USP30: variants seen among roughly 807,000 people sequenced by gnomAD.
The protein encoded by USP30 is ubiquitin carboxyl-terminal hydrolase 30.
In USP30, 41 loss-of-function variants were observed where a neutral mutation model predicts 68.2. The observed-to-expected ratio is 0.60, with a 90% CI of 0.47 to 0.78. The LOEUF is 0.78. Ranked by LOEUF, USP30 falls within the 30% of genes least tolerant of loss-of-function variation. USP30 has a pLI of 0.00. For synonymous variants in USP30, 229 were observed against 253.7 expected (o/e 0.90, Z 0.93); for missense variants, 522 against 649.4 (o/e 0.80, Z 2.13).
intron 3 of USP30, among the ~76,000 whole-genome samples, chr12:109,034,699 C>T (rs2040506763): frequency 6.6e-6 from 1 of 152,098 alleles, no homozygotes; most frequent in Admixed American, 6.5e-5. Context: ...GTTGTTCTAT[C>T]CATTATTGAA....
At chr12:109,024,183 T>A (rs1381633046) in intron 1 of USP30, among the ~76,000 whole-genome samples, 1 of 152,166 alleles carries the variant, frequency 6.6e-6, no homozygotes, top group African/African-American at 2.4e-5. Flanking sequence ...GAATCAAAGA[T>A]AAAATGGAGG....
chr12:109,059,552 T>C (rs2040991522), intron 3 of USP30, among the ~76,000 whole-genome samples: 1 of 152,096 alleles, frequency 6.6e-6, no homozygotes, highest in Non-Finnish European at 1.5e-5. Context: ...CTTGTTCTGT[T>C]GCCCAGGCTG....
intron 3 of USP30, among the ~76,000 whole-genome samples, chr12:109,044,529 C>G (rs1040800791): frequency 6.7e-6 from 1 of 149,376 alleles, no homozygotes; most frequent in Non-Finnish European, 1.5e-5. Flanking sequence ...CCTAGCTACT[C>G]GCGAGGCTAG....
At chr12:109,047,909 G>A (rs938221671), upstream of USP30, among the ~76,000 whole-genome samples, 8 of 152,042 alleles carry the variant, frequency 5.3e-5, no homozygotes, top group African/African-American at 1.9e-4. Context: ...CAGTCTGCAG[G>A]CTCCCTAAGG....
chr12:109,051,794 T>C (rs938940327), upstream of USP30, among the ~76,000 whole-genome samples: 1 of 152,090 alleles, frequency 6.6e-6, no homozygotes, highest in Admixed American at 6.6e-5. Context: ...GGTCTCGAAC[T>C]CTTGACCTCA....
intron 6 of USP30, among the ~76,000 whole-genome samples, chr12:109,073,235 A>G (rs536300274): frequency 9.5e-4 from 144 of 152,360 alleles, no homozygotes; most frequent in African/African-American, 3.0e-3. Flanking sequence ...AACCGTATAT[A>G]AAGATAGATC....
chr12:109,071,584 C>T (rs1242683111), intron 4 of USP30, 28 bp from the exon 5 acceptor site: 3 of 1,604,650 alleles, frequency 1.9e-6, no homozygotes, highest in African/African-American at 1.3e-5. Flanking sequence ...CTTCCAACCT[C>T]TCTAAAGAAT....
rs1298811530 is a variant in USP30, at chr12:109,055,400, A to ATATATATATTTTTTT, written c.84-1281_84-1280insATATATATTTTTTTT. On this transcript the variant is annotated intron_variant, in intron 1 of 12. Transcript: ENST00000257548. ...TATACATATATATATATATATATAT[A>ATATATATATTTTTTT]TTTTTTTTTTTTTTTTTTTTGAGGC... is the stretch of plus-strand genomic sequence containing the variant. Among the ~76,000 whole-genome samples the ATATATATATTTTTTT allele has an allele frequency of 6.7e-3, 165 of 24,448 alleles. 3 individuals carry two copies. Among genetic ancestry groups the ATATATATATTTTTTT allele is most frequent in the African/African-American group, 0.017 (155 of 8,996 alleles). The allele number at this position is 24,448 out of a possible 152,430, so 16.0% of individuals were successfully genotyped here.
At chr12:109,041,465 T>C (rs896562281) in intron 3 of USP30, among the ~76,000 whole-genome samples, 2 of 151,948 alleles carry the variant, frequency 1.3e-5, no homozygotes, top group Non-Finnish European at 2.9e-5. Context: ...TGAAACCCCA[T>C]CTCTACTTAA....
intron 2 of USP30, among the ~76,000 whole-genome samples, chr12:109,026,421 A>G (rs1467699154): frequency 6.6e-6 from 1 of 152,006 alleles, no homozygotes; most frequent in Non-Finnish European, 1.5e-5. Flanking sequence ...TAGCCAGGTC[A>G]GTTGCCATAA....
chr12:109,051,773 T>C (rs546508725), upstream of USP30, among the ~76,000 whole-genome samples: 5 of 152,096 alleles, frequency 3.3e-5, no homozygotes, highest in Non-Finnish European at 5.9e-5. Context: ...TTTCACCATG[T>C]TGGCCAAGCT....
chr12:109,027,845 G>A (rs966723548), intron 3 of USP30, among the ~76,000 whole-genome samples: 4 of 152,164 alleles, frequency 2.6e-5, no homozygotes, highest in Non-Finnish European at 5.9e-5. Flanking sequence ...GAAGAATGCT[G>A]CTATAAACAT....
intron 9 of USP30, 84 bp from the exon 10 acceptor site, chr12:109,082,579 C>T (rs529857143): frequency 3.3e-5 from 44 of 1,345,186 alleles, no homozygotes; most frequent in East Asian, 1.7e-4. Flanking sequence ...AATTGTGTGC[C>T]GCTATAACAC....
Position 109,084,987 on chromosome 12 carries a change from T to G in USP30, c.1203T>G (p.Ile401Met), listed in dbSNP as rs758408043. 9 of 1,604,298 alleles carry G rather than the reference T, an allele frequency of 5.6e-6. No homozygotes were observed. Among genetic ancestry groups the G allele is most frequent in the Non-Finnish European group, 7.7e-6 (9 of 1,174,242 alleles). Residue 401 changes from isoleucine (I) to methionine (M), a missense_variant, in exon 12 of 13, where the codon ATT becomes ATG. Physicochemically the swap from Ile to Met is conservative, Grantham distance 10. Coordinates refer to ENST00000257548, the MANE Select transcript of USP30 (RefSeq NM_032663.5). Reference protein sequence around the residue: ...LNQPGAPKTQIFMNGACSPSL... With the variant: ...LNQPGAPKTQMFMNGACSPSL... The stretch of plus-strand genomic sequence containing the variant: ...AGCCAGGGGCCCCCAAAACACAGAT[T>G]TTTATGAATGGCGCCTGCTCCCCAT...
Position 109,052,671 on chromosome 12 carries a change from C to T in USP30, c.-8C>T, listed in dbSNP as rs762896548. 2.6e-5 allele frequency: 39 copies of T among 1,504,162 alleles called. No individual in the cohort carries two copies. Among genetic ancestry groups the T allele is most frequent in the Non-Finnish European group, 3.0e-5 (34 of 1,132,386 alleles). 93.2% of individuals were successfully genotyped at this position (1,504,162 alleles called of 1,614,324 possible). A position where few individuals can be genotyped will look rare whatever the true frequency, so the allele number is the denominator to read the frequency against. Reference sequence around the variant, plus strand: ...AGGAGACGGTTTCAGGCCTCCGGTGCGGCTGCAATGCTGAGCTCCCGGGCC... The same window carrying T: ...AGGAGACGGTTTCAGGCCTCCGGTGTGGCTGCAATGCTGAGCTCCCGGGCC... On this transcript the variant is annotated 5_prime_UTR_variant, in exon 1 of 13. Transcript: ENST00000257548.
At chr12:109,071,233 A>C (rs923173318) in intron 4 of USP30, among the ~76,000 whole-genome samples, 3 of 152,268 alleles carry the variant, frequency 2.0e-5, no homozygotes, top group African/African-American at 7.2e-5. Flanking sequence ...GAATGTACTT[A>C]ATGCCACAGA....
At chr12:109,071,219 A>G (rs1367261286) in intron 4 of USP30, among the ~76,000 whole-genome samples, 1 of 152,266 alleles carries the variant, frequency 6.6e-6, no homozygotes, top group Non-Finnish European at 1.5e-5. Flanking sequence ...TTGTACAACA[A>G]CATGAATGTA....
chr12:109,044,370 G>A (rs1416690991), intron 3 of USP30, among the ~76,000 whole-genome samples: 1 of 152,220 alleles, frequency 6.6e-6, no homozygotes, highest in Non-Finnish European at 1.5e-5. Flanking sequence ...AGACATGGTG[G>A]CTCACGCCTG....
intron 11 of USP30, 42 bp downstream of exon 11, chr12:109,083,104 A>T: frequency 6.4e-7 from 1 of 1,550,390 alleles, no homozygotes; most frequent in Non-Finnish European, 8.7e-7. Context: ...AATTTTCAGC[A>T]CAGAGAAAAG....
Sources: allele counts gnomAD v4.1 joint callset (sites outside exome capture counted in the v4.1 genomes callset), GRCh38; gene constraint gnomAD v4.1.1; transcripts MANE v1.5; gene names NCBI Gene and HGNC (gene_info 2026-07-23, HGNC 2026-07-21).